Variants in ZNF565 observed in about 807,000 individuals in gnomAD.
ZNF565 encodes the protein zinc finger protein 565.
Under a neutral mutation model 39.4 loss-of-function variants are expected in ZNF565, and 27 were observed. The observed-to-expected ratio is 0.69, with a 90% CI of 0.51 to 0.95. The LOEUF (loss-of-function observed/expected upper bound fraction) is 0.95, where lower values mean the gene tolerates loss of function less well. Ranked by LOEUF, ZNF565 falls within the 40% of genes least tolerant of loss-of-function variation. The probability of loss-of-function intolerance (pLI) is 0.00; values close to 1 mark genes in which losing one functional copy is unlikely to be tolerated. For missense variants in ZNF565, 524 were observed against 621.1 expected (o/e 0.84, Z 1.66); for synonymous variants, 185 against 216.6 (o/e 0.85, Z 1.28).
chr19:36,214,550 C>T, intron 1 of ZNF565, 72 bp downstream of exon 1: 1 of 153,532 alleles, frequency 6.5e-6, no homozygotes, highest in Non-Finnish European at 1.5e-5. Flanking sequence ...CCGCAGCCAG[C>T]TCCCGCCTGC....
At chr19:36,195,404 G>A (rs1034630090) in intron 2 of ZNF565, among the ~76,000 whole-genome samples, 1 of 151,464 alleles carries the variant, frequency 6.6e-6, no homozygotes, top group Admixed American at 6.6e-5. Flanking sequence ...AGATACTTTA[G>A]TATCCAACAG....
intron 2 of ZNF565, 138 bp from the exon 3 acceptor site, chr19:36,195,294 T>A: frequency 3.0e-6 from 3 of 1,013,344 alleles, no homozygotes; most frequent in Non-Finnish European, 4.3e-6. Flanking sequence ...CTTCAACAGT[T>A]AACAAGGTGT....
chr19:36,208,031 AC>A (rs1451431517), intron 1 of ZNF565, among the ~76,000 whole-genome samples: 1 of 152,134 alleles, frequency 6.6e-6, no homozygotes, highest in African/African-American at 2.4e-5. Context: ...CCATACTTTG[AC>A]TAGATAAAAA....
chr19:36,227,518 G>A (rs574987786), intron 1 of ZNF565, among the ~76,000 whole-genome samples: 2 of 152,022 alleles, frequency 1.3e-5, no homozygotes, highest in African/African-American at 2.4e-5. Flanking sequence ...TGAGAAGCTG[G>A]TACTGCATGT....
intron 1 of ZNF565, among the ~76,000 whole-genome samples, chr19:36,204,903 G>A (rs968582806): frequency 6.6e-6 from 1 of 152,090 alleles, no homozygotes; most frequent in Non-Finnish European, 1.5e-5. Context: ...TGGGAGAACT[G>A]CTTGAACCTG....
At chr19:36,188,828 A>G (rs979613347) in intron 4 of ZNF565, among the ~76,000 whole-genome samples, 1 of 152,230 alleles carries the variant, frequency 6.6e-6, no homozygotes, top group Non-Finnish European at 1.5e-5. Context: ...ACATCTACAT[A>G]CACACATACA....
At chr19:36,231,719 A>G (rs1278675364) in intron 1 of ZNF565, among the ~76,000 whole-genome samples, 1 of 152,022 alleles carries the variant, frequency 6.6e-6, no homozygotes, top group Non-Finnish European at 1.5e-5. Context: ...TTATTTCTGG[A>G]TTATTTCTTT....
At chr19:36,244,910 T>A (rs1429027229) in intron 1 of ZNF565, among the ~76,000 whole-genome samples, 2 of 152,126 alleles carry the variant, frequency 1.3e-5, no homozygotes, top group Non-Finnish European at 2.9e-5. Context: ...CGTGTCTTTT[T>A]CATCCACTGT....
chr19:36,198,376 A>G (rs909111647), intron 2 of ZNF565, among the ~76,000 whole-genome samples: 3 of 152,184 alleles, frequency 2.0e-5, no homozygotes, highest in Non-Finnish European at 4.4e-5. Context: ...GAAGTAAGCC[A>G]GGCACAGAGA....
At chr19:36,240,863 C>CT (rs1336051805) in intron 1 of ZNF565, among the ~76,000 whole-genome samples, 3 of 137,764 alleles carry the variant, frequency 2.2e-5, no homozygotes, top group Admixed American at 7.1e-5. Flanking sequence ...GAATGAGACT[C>CT]TATCTCAAAA....
intron 1 of ZNF565, among the ~76,000 whole-genome samples, chr19:36,207,535 T>A (rs1976199292): frequency 9.8e-6 from 1 of 101,646 alleles, no homozygotes; most frequent in African/African-American, 4.7e-5. Context: ...TGAGACTCCA[T>A]CTCAAACAAA....
At chr19:36,237,771 A>G (rs1190972760) in intron 1 of ZNF565, 13 of 167,348 alleles carry the variant, frequency 7.8e-5, no homozygotes. Flanking sequence ...CTATGCATTT[A>G]TTAGAATTTG....
At chr19:36,223,713 C>T (rs549877647) in intron 1 of ZNF565, among the ~76,000 whole-genome samples, 6 of 151,272 alleles carry the variant, frequency 4.0e-5, no homozygotes, top group South Asian at 4.2e-4. Flanking sequence ...TAAGTTTCAC[C>T]GATATTTTCA....
At chr19:36,236,222 T>C in intron 1 of ZNF565, 2 of 507,502 alleles carry the variant, frequency 3.9e-6, no homozygotes, top group Non-Finnish European at 6.6e-6. Flanking sequence ...CTTCATTGAA[T>C]ATTAGAAAAT....
At chr19:36,203,412 C>T (rs1204416574) in intron 1 of ZNF565, 1 of 149,618 alleles carries the variant, frequency 6.7e-6, no homozygotes, top group African/African-American at 2.5e-5. Context: ...CAATTCATAA[C>T]TGACTGTGAA....
chr19:36,193,441 C>CT (rs918390781), intron 4 of ZNF565, among the ~76,000 whole-genome samples: 1,789 of 131,826 alleles, frequency 0.014, 35 homozygotes, highest in African/African-American at 0.037. Flanking sequence ...TTTCTTTTTT[C>CT]TTTTTTTTTT....
At chr19:36,216,222 CT>C (rs1275895220), upstream of ZNF565, among the ~76,000 whole-genome samples, 2 of 152,032 alleles carry the variant, frequency 1.3e-5, no homozygotes, top group Non-Finnish European at 2.9e-5. Context: ...GTGGAAGAAA[CT>C]TAAAGGTTCA....
chr19:36,211,737 G>A (rs532142404), intron 1 of ZNF565, among the ~76,000 whole-genome samples: 1 of 151,876 alleles, frequency 6.6e-6, no homozygotes, highest in South Asian at 2.1e-4. Flanking sequence ...AGCTTGCAGT[G>A]AGCCGAGCTC....
intron 1 of ZNF565, among the ~76,000 whole-genome samples, chr19:36,204,162 C>A (rs990492464): frequency 2.0e-5 from 3 of 151,896 alleles, no homozygotes; most frequent in Non-Finnish European, 4.4e-5. Flanking sequence ...GTTGGCCAGG[C>A]TGGTCTTGAA....
Sources: gnomAD v4.1 joint callset for allele counts (sites outside exome capture counted in the v4.1 genomes callset) on GRCh38, gnomAD v4.1.1 for gene constraint, MANE v1.5 for transcripts, NCBI Gene and HGNC (gene_info 2026-07-23, HGNC 2026-07-21) for gene names.